Variants in CCDC144A observed in about 807,000 individuals in gnomAD.
CCDC144A encodes the protein coiled-coil domain containing 144A.
In CCDC144A, 41 loss-of-function variants were observed where a neutral mutation model predicts 143.8. The observed-to-expected ratio is 0.29, with a 90% CI of 0.22 to 0.37. CCDC144A has a LOEUF of 0.37. Ranked by LOEUF, CCDC144A falls within the 10% of genes least tolerant of loss-of-function variation. The pLI is 1.00. For synonymous variants in CCDC144A, 242 were observed against 517.9 expected, an observed-to-expected ratio of 0.47 and a Z score of 7.23; for missense variants, 637 against 1,488.8, an observed-to-expected ratio of 0.43 and a Z score of 9.41.
upstream of CCDC144A, among the ~76,000 whole-genome samples, chr17:16,685,466 C>T (rs1306711132): frequency 1.3e-5 from 2 of 151,194 alleles, no homozygotes; most frequent in African/African-American, 2.4e-5. Flanking sequence ...CTGCAAACTC[C>T]GCCTCCTGGG....
chr17:16,759,321 G>A (rs62075070), intron 12 of CCDC144A, among the ~76,000 whole-genome samples: 11,541 of 150,384 alleles, frequency 0.077, no homozygotes, highest in Middle Eastern at 0.11. Flanking sequence ...ACCCCTGTAA[G>A]CCAAAAGGCT....
intron 6 of CCDC144A, among the ~76,000 whole-genome samples, chr17:16,713,821 G>A (rs1912587041): frequency 1.3e-5 from 2 of 152,088 alleles, no homozygotes; most frequent in Non-Finnish European, 2.9e-5. Flanking sequence ...TAAACAAGAA[G>A]AAAATTAGAT....
chr17:16,709,332 A>C lies in CCDC144A; in HGVS notation c.1275A>C (p.Ala425=). ...CAGATAAGAACTTTCATAATGATGC[A>C]AGCACTAAGAAAGCAAGGAACCCAG... ...FSTDKNFHND[A]STKKARNPEV... is the part of the protein sequence containing the mutation. The change falls in exon 5 of 17, where the codon GCA becomes GCC. Residue 425 remains alanine, a synonymous_variant. Transcript: ENST00000399273. The C allele has an allele frequency of 2.5e-6, 4 of 1,611,626 alleles. No homozygotes were observed. Among genetic ancestry groups the C allele is most frequent in the Non-Finnish European group, 3.4e-6 (4 of 1,179,572 alleles).
At chr17:16,669,953 G>A in the CCDC144A span, among the ~76,000 whole-genome samples, 2 of 152,116 alleles carry the variant, frequency 1.3e-5, no homozygotes, top group East Asian at 1.9e-4. Context: ...GAGGCTGAGG[G>A]GGGTGGATAA....
chr17:16,670,897 G>C, the CCDC144A span, among the ~76,000 whole-genome samples: 5 of 152,044 alleles, frequency 3.3e-5, no homozygotes, highest in Non-Finnish European at 7.4e-5. Flanking sequence ...TAATAAGGTG[G>C]TTAAGAACAT....
intron 12 of CCDC144A, among the ~76,000 whole-genome samples, chr17:16,740,445 G>A (rs1322000685): frequency 4.6e-5 from 7 of 152,130 alleles, no homozygotes; most frequent in African/African-American, 9.7e-5. Flanking sequence ...TACAGCAACT[G>A]GAAATCAGGT....
intron 5 of CCDC144A, among the ~76,000 whole-genome samples, chr17:16,711,205 G>A (rs1178780790): frequency 7.5e-5 from 10 of 133,718 alleles, no homozygotes; most frequent in African/African-American, 1.2e-4. Context: ...AAAAGGGAAA[G>A]CTTCCTTTCT....
intron 8 of CCDC144A, among the ~76,000 whole-genome samples, chr17:16,725,264 T>TA (rs2143204648): frequency 6.6e-6 from 1 of 152,142 alleles, no homozygotes; most frequent in African/African-American, 2.4e-5. Context: ...TGCTTATTAA[T>TA]ACAGTGAAAT....
At chr17:16,754,794 A>G (rs919155638) in intron 12 of CCDC144A, among the ~76,000 whole-genome samples, 6 of 152,236 alleles carry the variant, frequency 3.9e-5, no homozygotes, top group Non-Finnish European at 8.8e-5. Flanking sequence ...TTTTCTGTTT[A>G]GATGATCCCT....
chr17:16,729,983 T>C (rs1347210970), intron 9 of CCDC144A, among the ~76,000 whole-genome samples: 1 of 136,048 alleles, frequency 7.4e-6, no homozygotes, highest in Non-Finnish European at 1.6e-5. Flanking sequence ...TATATATATA[T>C]ATATATATAC....
intron 9 of CCDC144A, among the ~76,000 whole-genome samples, chr17:16,729,856 C>CAAA (rs753478971): frequency 5.4e-5 from 6 of 111,138 alleles, no homozygotes; most frequent in African/African-American, 2.1e-4. Context: ...GACTCTGTCT[C>CAAA]AAAAAAAAAA....
At chr17:16,746,491 A>G in intron 12 of CCDC144A, 1 of 1,613,612 alleles carries the variant, frequency 6.2e-7, no homozygotes, top group Non-Finnish European at 8.5e-7. Context: ...CAGGGTTGGC[A>G]CTGGTCTTCT....
At chr17:16,684,036 T>C in the CCDC144A span, 49 of 912,634 alleles carry the variant, frequency 5.4e-5, 1 homozygote, top group South Asian at 5.5e-4. Context: ...TGCAAGGCCA[T>C]TGAACAAGCA....
At chr17:16,743,660 G>C (rs1914358948) in intron 12 of CCDC144A, among the ~76,000 whole-genome samples, 1 of 152,124 alleles carries the variant, frequency 6.6e-6, no homozygotes, top group Non-Finnish European at 1.5e-5. Context: ...AAGTTATAAA[G>C]GGCATTTTAT....
intron 2 of CCDC144A, among the ~76,000 whole-genome samples, chr17:16,700,628 T>C (rs1911681364): frequency 6.6e-6 from 1 of 152,186 alleles, no homozygotes; most frequent in African/African-American, 2.4e-5. Flanking sequence ...CCTGAGTAAA[T>C]TTTTGGTGTT....
Position 16,709,236 on chromosome 17 carries a change from G to C in CCDC144A, c.1179G>C (p.Lys393Asn). 1 of 1,611,662 alleles carries C rather than the reference G, an allele frequency of 6.2e-7. No individual in the cohort carries two copies. The highest frequency in any genetic ancestry group is 8.5e-7 in the Non-Finnish European group (1 of 1,179,652). ...AACATGTTTGCCAGTCATCTTCTAA[G>C]TTTCATTTACATGAAAATAAATTAG... ...SQEHVCQSSS[K>N]FHLHENKLDC... Residue 393 changes from lysine to asparagine, a missense_variant, in exon 5 of 17, where the codon AAG (lysine) becomes AAC (asparagine). Physicochemically the swap from Lys to Asn is moderately conservative, Grantham distance 94. Transcript: ENST00000399273.
the CCDC144A span, among the ~76,000 whole-genome samples, chr17:16,669,549 G>C: frequency 1.3e-5 from 2 of 152,182 alleles, no homozygotes. Flanking sequence ...CACTTTTTCT[G>C]ATGCTGGAAA....
At chr17:16,771,267 C>CT (rs1454700043) in intron 15 of CCDC144A, among the ~76,000 whole-genome samples, 60 of 152,312 alleles carry the variant, frequency 3.9e-4, no homozygotes, top group African/African-American at 1.4e-3. Flanking sequence ...TTAAATAACT[C>CT]TAAATTGTTT....
intron 1 of CCDC144A, chr17:16,692,053 A>G (rs1911119941): frequency 6.6e-6 from 1 of 152,028 alleles, no homozygotes; most frequent in African/African-American, 2.4e-5. Flanking sequence ...GCTGAGTAAC[A>G]CGTGGGATGT....
Sources: gnomAD v4.1 joint callset for allele counts (sites outside exome capture counted in the v4.1 genomes callset) on GRCh38, gnomAD v4.1.1 for gene constraint, MANE v1.5 for transcripts, NCBI Gene and HGNC (gene_info 2026-07-23, HGNC 2026-07-21) for gene names.